Variants in EPB41L5 observed in about 807,000 individuals in gnomAD.
EPB41L5 encodes the protein band 4.1-like protein 5.
In EPB41L5, 55 loss-of-function variants were observed where a neutral mutation model predicts 106.6. That is an observed-to-expected ratio of 0.52 (90% confidence interval 0.42 to 0.65). EPB41L5 has a LOEUF of 0.65. Ranked by LOEUF, EPB41L5 falls within the 30% of genes least tolerant of loss-of-function variation. The pLI, the probability that EPB41L5 is intolerant of heterozygous loss-of-function variation, is 0.00. For missense variants in EPB41L5, 871 were observed against 882.1 expected (o/e 0.99, Z 0.16); for synonymous variants, 297 against 306.7 (o/e 0.97, Z 0.33).
intron 3 of EPB41L5, among the ~76,000 whole-genome samples, chr2:120,061,588 G>C (rs1447382316): frequency 1.3e-5 from 2 of 151,966 alleles, no homozygotes; most frequent in Non-Finnish European, 2.9e-5. Context: ...TTGACCTCAG[G>C]TGATCTGCCC....
At chr2:120,075,594 T>C in intron 6 of EPB41L5, 74 bp downstream of exon 6, 1 of 1,421,454 alleles carries the variant, frequency 7.0e-7, no homozygotes, top group Non-Finnish European at 9.9e-7. Flanking sequence ...AATAAGTTTA[T>C]AGTTGTAAAA....
chr2:120,055,446 G>A (rs1039086620), intron 3 of EPB41L5, among the ~76,000 whole-genome samples: 4 of 148,952 alleles, frequency 2.7e-5, no homozygotes, highest in East Asian at 2.0e-4. Context: ...TCTGATCCAT[G>A]AACATGGAAT....
At chr2:120,099,940 C>CT (rs774936148) in intron 14 of EPB41L5, among the ~76,000 whole-genome samples, 88 of 152,252 alleles carry the variant, frequency 5.8e-4, no homozygotes, top group Non-Finnish European at 1.2e-3. Flanking sequence ...TTAGGCCATC[C>CT]TTGATAGCTG....
intron 3 of EPB41L5, among the ~76,000 whole-genome samples, chr2:120,056,176 T>C (rs945627649): frequency 6.6e-6 from 1 of 151,844 alleles, no homozygotes; most frequent in African/African-American, 2.4e-5. Flanking sequence ...TTTTTCTGCA[T>C]TTATTGAGAG....
At chr2:120,017,405 T>C (rs990487446) in intron 1 of EPB41L5, among the ~76,000 whole-genome samples, 6 of 152,246 alleles carry the variant, frequency 3.9e-5, no homozygotes, top group Non-Finnish European at 8.8e-5. Flanking sequence ...TATTGTGATT[T>C]ACTTTTCCTT....
chr2:120,027,122 G>T (rs117639759), intron 2 of EPB41L5, among the ~76,000 whole-genome samples: 1 of 152,194 alleles, frequency 6.6e-6, no homozygotes. Context: ...GTAAAATGGC[G>T]CAGCTGCTTT....
chr2:120,099,964 A>G (rs1037570873), intron 14 of EPB41L5, among the ~76,000 whole-genome samples: 2 of 152,210 alleles, frequency 1.3e-5, no homozygotes, highest in Non-Finnish European at 2.9e-5. Flanking sequence ...TCCAATGAAT[A>G]AACAGTTGTG....
At chr2:120,053,727 A>G (rs1680443443) in intron 3 of EPB41L5, among the ~76,000 whole-genome samples, 2 of 152,262 alleles carry the variant, frequency 1.3e-5, no homozygotes, top group Admixed American at 6.5e-5. Context: ...TTACTCATCC[A>G]TTGATGGACA....
At chr2:120,146,008 A>G (rs1428182946) in intron 19 of EPB41L5, among the ~76,000 whole-genome samples, 3 of 152,152 alleles carry the variant, frequency 2.0e-5, no homozygotes, top group Non-Finnish European at 4.4e-5. Context: ...GTGAATTTGT[A>G]TACCAAATAA....
chr2:120,082,199 G>A (rs1347749302), intron 10 of EPB41L5, among the ~76,000 whole-genome samples: 2 of 152,078 alleles, frequency 1.3e-5, no homozygotes, highest in Non-Finnish European at 2.9e-5. Flanking sequence ...GTTTTCAAAG[G>A]GAACGCTTCC....
intron 16 of EPB41L5, among the ~76,000 whole-genome samples, chr2:120,102,389 A>G (rs1305089987): frequency 6.6e-6 from 1 of 152,198 alleles, no homozygotes; most frequent in African/African-American, 2.4e-5. Flanking sequence ...GAAATAGAGT[A>G]AAGTGATGCT....
rs1398758647 is a variant in EPB41L5 at position 120,018,408 on chromosome 2, GT to G, written c.-8-667del. 2.0e-5 allele frequency among the ~76,000 whole-genome samples: 3 copies of G among 152,124 alleles called. No individual in the cohort carries two copies. The East Asian group carries it at 5.8e-4, about 29-fold the overall frequency. Reference sequence around the variant, plus strand: ...ATGTTTGCCTTCTCCTGCCAAATCAGTTCCTGATAAAATGGTCCGGTAAATT... The same window carrying G: ...ATGTTTGCCTTCTCCTGCCAAATCAGTCCTGATAAAATGGTCCGGTAAATT... On this transcript the variant is annotated intron_variant, in intron 1 of 24. Transcript: ENST00000263713.
chr2:120,084,757 T>G (rs1682937985), intron 10 of EPB41L5, among the ~76,000 whole-genome samples: 1 of 152,226 alleles, frequency 6.6e-6, no homozygotes, highest in Admixed American at 6.5e-5. Flanking sequence ...GACTTTCAGG[T>G]ACACCAATCA....
At chr2:120,015,183 C>CGG (rs1337992861) in intron 1 of EPB41L5, among the ~76,000 whole-genome samples, 1 of 151,832 alleles carries the variant, frequency 6.6e-6, no homozygotes, top group Non-Finnish European at 1.5e-5. Flanking sequence ...AAAAATTAGC[C>CGG]GGTCGTAGCG....
chr2:120,084,670 C>T (rs961847429), intron 10 of EPB41L5, among the ~76,000 whole-genome samples: 3 of 152,104 alleles, frequency 2.0e-5, no homozygotes, highest in Admixed American at 6.6e-5. Flanking sequence ...GAATGTTGGC[C>T]TGCCTCGCTA....
intron 3 of EPB41L5, 43 bp from the exon 4 acceptor site, chr2:120,073,135 G>T (rs369744275): frequency 2.5e-6 from 4 of 1,568,816 alleles, no homozygotes; most frequent in Non-Finnish European, 3.5e-6. Context: ...AAATTTTAAA[G>T]TTCTGTCATC....
chr2:120,158,544 C>T (rs772634009), intron 20 of EPB41L5, among the ~76,000 whole-genome samples: 4 of 152,184 alleles, frequency 2.6e-5, no homozygotes, highest in East Asian at 1.9e-4. Flanking sequence ...AACACTGCTT[C>T]GGGTTAAAAA....
At chr2:120,068,833 A>C (rs957019966) in intron 3 of EPB41L5, among the ~76,000 whole-genome samples, 7 of 152,132 alleles carry the variant, frequency 4.6e-5, no homozygotes, top group African/African-American at 1.7e-4. Flanking sequence ...CGTTAAAAAA[A>C]AAAGCAGGGG....
At chr2:120,057,276 A>G (rs990855811) in intron 3 of EPB41L5, among the ~76,000 whole-genome samples, 6 of 152,226 alleles carry the variant, frequency 3.9e-5, no homozygotes, top group Non-Finnish European at 1.5e-5. Flanking sequence ...TGCCAGTATT[A>G]TTCTGGTAAA....
Sources: allele counts gnomAD v4.1 joint callset (sites outside exome capture counted in the v4.1 genomes callset), GRCh38; gene constraint gnomAD v4.1.1; transcripts MANE v1.5; gene names NCBI Gene and HGNC (gene_info 2026-07-23, HGNC 2026-07-21).